HEATR3: variants seen among roughly 807,000 people sequenced by gnomAD.
HEATR3 encodes the protein HEAT repeat containing 3.
In HEATR3, 56 loss-of-function variants were observed where a neutral mutation model predicts 72.8. The ratio of observed to expected loss-of-function variants is 0.77; its 90% CI spans 0.62 to 0.96. The LOEUF (loss-of-function observed/expected upper bound fraction) is 0.96. Ranked by LOEUF, HEATR3 falls within the 40% of genes least tolerant of loss-of-function variation. The probability of loss-of-function intolerance (pLI) is 0.00; values close to 1 mark genes in which losing one functional copy is unlikely to be tolerated. For missense variants in HEATR3, 747 were observed against 831.4 expected, an observed-to-expected ratio of 0.90 and a Z score of 1.25; for synonymous variants, 331 against 318.1, an observed-to-expected ratio of 1.04 and a Z score of -0.43.
chr16:50,097,345 A>AT (rs11383881), intron 12 of HEATR3, among the ~76,000 whole-genome samples: 103,679 of 125,808 alleles, frequency 0.82, 44,010 homozygotes, highest in Non-Finnish European at 0.91. Context: ...ATTAGCTATG[A>AT]TTTTTTTTTT....
In HEATR3 at chr16:50,066,463, G is replaced by A; in HGVS notation, c.235G>A (p.Asp79Asn). 7.3e-7 allele frequency: 1 copy of A among 1,362,972 alleles called. No homozygotes were observed. The highest frequency in any genetic ancestry group is 9.4e-7 in the Non-Finnish European group (1 of 1,065,602). The allele number at this position is 1,362,972 out of a possible 1,614,324, so 84.4% of individuals were successfully genotyped here. The change falls in exon 2 of 15, where the codon GAC (aspartate) becomes AAC (asparagine). Residue 79 changes from aspartate (D) to asparagine (N), a missense_variant. Asp to Asn is a conservative substitution (Grantham distance 23). Around this residue, in one of 2 missense-constraint regions of HEATR3, gnomAD observed 161 missense variants for 122.6 expected, o/e 1.31. Coordinates refer to ENST00000299192, the MANE Select transcript of HEATR3 (RefSeq NM_182922.4). ...GGCACTCCCGGGCCTGGCGCGACGAGACGCCGTGCGCCGCCTCGGGCCGCT... is the reference window on the plus strand; with the variant it reads ...GGCACTCCCGGGCCTGGCGCGACGAAACGCCGTGCGCCGCCTCGGGCCGCT... ...RPALPGLARR[D>N]AVRRLGPLLL...
intron 10 of HEATR3, among the ~76,000 whole-genome samples, chr16:50,085,006 A>G (rs967789750): frequency 6.6e-6 from 1 of 152,222 alleles, no homozygotes; most frequent in Non-Finnish European, 1.5e-5. Flanking sequence ...AAAGCGAGAC[A>G]TAAAAGAATA....
rs2037457692 is a variant in HEATR3 at position 50,105,223 on chromosome 16, C to T, written c.*162C>T. 1 of 712,112 alleles carries T rather than the reference C, an allele frequency of 1.4e-6. No individual in the cohort carries two copies. The highest frequency in any genetic ancestry group is 2.2e-6 in the Non-Finnish European group (1 of 448,360). 44.1% of individuals were successfully genotyped at this position (712,112 alleles called of 1,614,324 possible). A position where few individuals can be genotyped will look rare whatever the true frequency, so the allele number is the denominator to read the frequency against. The stretch of plus-strand genomic sequence containing the variant: ...ACCTGGCCAGGCATGGTGGCTCACG[C>T]CTATAATCCCAGCACCTTGGGAGAC... On this transcript the variant is annotated 3_prime_UTR_variant, in exon 15 of 15. Transcript: ENST00000299192.
intron 11 of HEATR3, among the ~76,000 whole-genome samples, chr16:50,092,436 C>CTTTTTTCTTTTTTTTTTTTTTT (rs55971965): frequency 1.9e-5 from 2 of 106,020 alleles, no homozygotes; most frequent in African/African-American, 3.7e-5. Context: ...TTTCTTTTTT[C>CTTTTTTCTTTTTTTTTTTTTTT]TTTTTTTTTT....
chr16:50,107,075 A>G lies in HEATR3; in HGVS notation c.*2014A>G, dbSNP rs901933998. 7.9e-5 allele frequency among the ~76,000 whole-genome samples: 12 copies of G among 152,358 alleles called. No individual in the cohort carries two copies. Among genetic ancestry groups the G allele is most frequent in the Non-Finnish European group, 1.8e-4 (12 of 68,040 alleles). On this transcript the variant is annotated 3_prime_UTR_variant, in exon 15 of 15. Coordinates refer to ENST00000299192, the MANE Select transcript of HEATR3 (RefSeq NM_182922.4). ...GGAGAACGACTCTTCCAAAAAAGAA[A>G]GTATTAGAGTTCTCTCTGCCTCAAT...
chr16:50,088,539 AGGCAGCTC>A (rs1443384872), intron 11 of HEATR3, among the ~76,000 whole-genome samples: 15 of 152,228 alleles, frequency 9.9e-5, no homozygotes, highest in African/African-American at 3.6e-4. Context: ...TGGAGTACAG[AGGCAGCTC>A]GTCAGTGTGA....
At chr16:50,090,732 AT>A (rs1245292972) in intron 11 of HEATR3, among the ~76,000 whole-genome samples, 8 of 152,166 alleles carry the variant, frequency 5.3e-5, no homozygotes, top group African/African-American at 1.9e-4. Flanking sequence ...TTCCGAAATC[AT>A]TTAGGATTCT....
chr16:50,073,675 T>TA (rs1259437548), intron 5 of HEATR3: 1 of 152,224 alleles, frequency 6.6e-6, no homozygotes, highest in Non-Finnish European at 1.5e-5. Context: ...CAGTTTTTGT[T>TA]ACAATAAGAG....
At chr16:50,090,448 A>G in intron 11 of HEATR3, among the ~76,000 whole-genome samples, 1 of 152,180 alleles carries the variant, frequency 6.6e-6, no homozygotes, top group East Asian at 1.9e-4. Context: ...TGATTGTTCT[A>G]CTGCTCTAAC....
chr16:50,070,702 C>CA (rs35352443), intron 4 of HEATR3, among the ~76,000 whole-genome samples: 130 of 135,830 alleles, frequency 9.6e-4, no homozygotes, highest in East Asian at 1.7e-3. Flanking sequence ...ATTCCTGTCT[C>CA]AAAAAAAAAA....
chr16:50,084,646 T>C lies in HEATR3; in HGVS notation c.1368T>C (p.Ile456=), dbSNP rs267604563. 6 of 1,598,542 alleles carry C rather than the reference T, an allele frequency of 3.8e-6. 1 individual carries two copies. Among genetic ancestry groups the C allele is most frequent in the African/African-American group, 1.3e-5 (1 of 74,722 alleles). Residue 456 remains isoleucine (I), a synonymous_variant, in exon 10 of 15, where the codon ATT becomes ATC. Coordinates refer to ENST00000299192, the MANE Select transcript of HEATR3 (RefSeq NM_182922.4). The part of the protein sequence containing the change: ...CSRNPTWKPL[I]RKMNTIQCRA... ...GGAACCCTACTTGGAAACCTTTGAT[T>C]AGAAAGTAAGAACTCTTCTGCTTTC...
chr16:50,075,690 C>G lies in HEATR3; in HGVS notation c.742C>G (p.Leu248Val). 3.1e-6 allele frequency: 5 copies of G among 1,613,290 alleles called. No individual in the cohort carries two copies. Among genetic ancestry groups the G allele is most frequent in the Non-Finnish European group, 4.2e-6 (5 of 1,179,386 alleles). ...TCCTGTCAGTTCCATGGAATCTCTT[C>G]TATTGAAGACATTGGTAGCAGGTAA... is the stretch of plus-strand genomic sequence containing the variant. ...LSPVSSMESL[L>V]LKTLVAGTIW... Residue 248 changes from leucine to valine, a missense_variant, in exon 6 of 15, where the codon CTA becomes GTA. Physicochemically the swap from Leu to Val is conservative, Grantham distance 32. Around this residue, in one of 2 missense-constraint regions of HEATR3, gnomAD observed 586 missense variants for 708.8 expected, o/e 0.83. Coordinates refer to ENST00000299192, the MANE Select transcript of HEATR3 (RefSeq NM_182922.4).
At chr16:50,085,540 G>A (rs755726840) in intron 10 of HEATR3, among the ~76,000 whole-genome samples, 1 of 152,064 alleles carries the variant, frequency 6.6e-6, no homozygotes, top group Non-Finnish European at 1.5e-5. Flanking sequence ...AGGCTGAAGT[G>A]GGAGGATTGC....
At chr16:50,076,899 C>T (rs370060247) in intron 6 of HEATR3, among the ~76,000 whole-genome samples, 1 of 139,972 alleles carries the variant, frequency 7.1e-6, no homozygotes, top group African/African-American at 2.7e-5. Flanking sequence ...GACTGAGTCT[C>T]GCTCTGCCGC....
At chr16:50,091,204 C>T (rs1836947603) in intron 11 of HEATR3, among the ~76,000 whole-genome samples, 1 of 151,938 alleles carries the variant, frequency 6.6e-6, no homozygotes, top group Non-Finnish European at 1.5e-5. Flanking sequence ...TGGTGGTTCA[C>T]ACCTGTAATC....
At chr16:50,066,324 T>TGCGC in intron 1 of HEATR3, 43 bp from the exon 2 acceptor site, 2 of 1,563,708 alleles carry the variant, frequency 1.3e-6, no homozygotes, top group Non-Finnish European at 1.7e-6. Flanking sequence ...CCCGCGCGCG[T>TGCGC]GCGCATTGCG....
chr16:50,100,513 A>C, intron 13 of HEATR3, 140 bp downstream of exon 13: 1 of 760,440 alleles, frequency 1.3e-6, no homozygotes, highest in East Asian at 2.7e-5. Context: ...ATATTATTAG[A>C]ATATACCCTT....
At chr16:50,071,523 C>T (rs1365024705) in intron 4 of HEATR3, among the ~76,000 whole-genome samples, 2 of 152,170 alleles carry the variant, frequency 1.3e-5, no homozygotes, top group African/African-American at 4.8e-5. Flanking sequence ...AATATATCTC[C>T]AAGGTGATTT....
At chr16:50,076,967 A>G (rs2036746524) in intron 6 of HEATR3, among the ~76,000 whole-genome samples, 1 of 145,182 alleles carries the variant, frequency 6.9e-6, no homozygotes, top group Admixed American at 7.1e-5. Flanking sequence ...TCCCAGGTTC[A>G]CGCCATTCTC....
Sources: allele counts gnomAD v4.1 joint callset (sites outside exome capture counted in the v4.1 genomes callset), GRCh38; gene constraint gnomAD v4.1.1; regional missense constraint gnomAD v4.1.1; transcripts MANE v1.5; gene names NCBI Gene and HGNC (gene_info 2026-07-23, HGNC 2026-07-21).